DENND1A: variants seen among roughly 807,000 people sequenced by gnomAD.
DENND1A encodes DENN domain containing 1A, also known as DENN domain-containing protein 1A.
Under a neutral mutation model 113.7 loss-of-function variants are expected in DENND1A, and 51 were observed. The ratio of observed to expected loss-of-function variants is 0.45; its 90% CI spans 0.36 to 0.57. DENND1A has a LOEUF of 0.57. Ranked by LOEUF, DENND1A falls within the 20% of genes least tolerant of loss-of-function variation. The pLI, the probability that DENND1A is intolerant of heterozygous loss-of-function variation, is 0.00. For synonymous variants in DENND1A, 565 were observed against 570.8 expected (o/e 0.99, Z 0.14); for missense variants, 1,258 against 1,395.9 (o/e 0.90, Z 1.57).
intron 9 of DENND1A, 70 bp from the exon 10 acceptor site, chr9:123,630,546 A>G (rs942059870): frequency 1.9e-6 from 2 of 1,029,182 alleles, no homozygotes; most frequent in Non-Finnish European, 2.7e-6. Flanking sequence ...GATTTCAGCA[A>G]TACAATTCTA....
At chr9:123,562,196 G>A (rs978813679) in intron 12 of DENND1A, among the ~76,000 whole-genome samples, 17 of 152,142 alleles carry the variant, frequency 1.1e-4, no homozygotes, top group Admixed American at 2.0e-4. Flanking sequence ...TGTGCAGGCT[G>A]TCCTCCATCA....
At chr9:123,512,748 GA>G (rs1185175745) in intron 13 of DENND1A, among the ~76,000 whole-genome samples, 1 of 152,236 alleles carries the variant, frequency 6.6e-6, no homozygotes, top group East Asian at 1.9e-4. Context: ...ACAGTGGAAG[GA>G]GGGGCAGATT....
At chr9:123,758,025 C>CCT (rs927215826) in intron 4 of DENND1A, among the ~76,000 whole-genome samples, 23 of 151,628 alleles carry the variant, frequency 1.5e-4, no homozygotes, top group Non-Finnish European at 2.9e-4. Context: ...CTAGTGACCA[C>CCT]CTCAGAAATC....
At chr9:123,800,866 T>A (rs1294975861) in intron 2 of DENND1A, among the ~76,000 whole-genome samples, 1 of 152,126 alleles carries the variant, frequency 6.6e-6, no homozygotes, top group Non-Finnish European at 1.5e-5. Flanking sequence ...GCTAAACAAA[T>A]AGAGTAAATA....
chr9:123,510,006 C>G (rs1206005354), intron 13 of DENND1A, among the ~76,000 whole-genome samples: 3 of 152,244 alleles, frequency 2.0e-5, no homozygotes, highest in South Asian at 2.1e-4. Context: ...TCATTCCTCT[C>G]CTGGACGAGA....
At chr9:123,538,024 C>T (rs150718520) in intron 13 of DENND1A, among the ~76,000 whole-genome samples, 1 of 152,296 alleles carries the variant, frequency 6.6e-6, no homozygotes, top group East Asian at 1.9e-4. Context: ...TGCGTAATGG[C>T]TGCATGCTCT....
intron 12 of DENND1A, among the ~76,000 whole-genome samples, chr9:123,559,681 A>C (rs1256580763): frequency 6.6e-6 from 1 of 152,244 alleles, no homozygotes; most frequent in Non-Finnish European, 1.5e-5. Flanking sequence ...TTATTGAGAC[A>C]TATTTCACAT....
intron 13 of DENND1A, among the ~76,000 whole-genome samples, chr9:123,513,272 A>G (rs2053606539): frequency 6.6e-6 from 1 of 152,230 alleles, no homozygotes; most frequent in Non-Finnish European, 1.5e-5. Context: ...CAGGCTTCAG[A>G]GCCAGAGACT....
rs192071812 is a variant in DENND1A at position 123,445,633 on chromosome 9, G to A, written c.1356+5060C>T. Among the ~76,000 whole-genome samples the A allele has an allele frequency of 3.9e-3, 591 of 152,362 alleles. 1 individual carries two copies. The highest frequency in any genetic ancestry group is 7.0e-3 in the Non-Finnish European group (473 of 68,032). On this transcript the variant is annotated intron_variant, in intron 18 of 23. Transcript: ENST00000394215. ...TGCCTGTAATCCCAGCATGTTGGGAGGCCGAGGCGGGCAGATCACCTAAGG... is the reference window on the plus strand; with the variant it reads ...TGCCTGTAATCCCAGCATGTTGGGAAGCCGAGGCGGGCAGATCACCTAAGG...
At chr9:123,443,618 T>A (rs901880409) in intron 18 of DENND1A, among the ~76,000 whole-genome samples, 1 of 152,186 alleles carries the variant, frequency 6.6e-6, no homozygotes, top group Non-Finnish European at 1.5e-5. Flanking sequence ...CAGCTTCCTC[T>A]CAGGATGCCA....
At chr9:123,618,663 T>C (rs2060781271) in intron 10 of DENND1A, among the ~76,000 whole-genome samples, 1 of 152,088 alleles carries the variant, frequency 6.6e-6, no homozygotes, top group African/African-American at 2.4e-5. Context: ...AAAGGGTGGG[T>C]GGCTGAGCCA....
At chr9:123,522,702 C>T (rs972238349) in intron 13 of DENND1A, among the ~76,000 whole-genome samples, 2 of 152,154 alleles carry the variant, frequency 1.3e-5, no homozygotes, top group Non-Finnish European at 2.9e-5. Flanking sequence ...AGCTCAGCTA[C>T]CTTTTAATGA....
intron 2 of DENND1A, among the ~76,000 whole-genome samples, chr9:123,815,779 T>A (rs1010799599): frequency 6.6e-6 from 1 of 152,188 alleles, no homozygotes; most frequent in Non-Finnish European, 1.5e-5. Context: ...TATTCTCCTT[T>A]ATTGTATAAC....
intron 6 of DENND1A, among the ~76,000 whole-genome samples, chr9:123,673,721 C>G (rs767386492): frequency 6.6e-6 from 1 of 152,200 alleles, no homozygotes; most frequent in Non-Finnish European, 1.5e-5. Context: ...TATTCATCTT[C>G]CCATATTGAA....
chr9:123,640,733 C>G (rs2061986211), intron 9 of DENND1A, among the ~76,000 whole-genome samples: 1 of 152,210 alleles, frequency 6.6e-6, no homozygotes, highest in African/African-American at 2.4e-5. Context: ...GTCACCGGAT[C>G]TTTTTAACCA....
chr9:123,818,811 T>C (rs471956), intron 2 of DENND1A, among the ~76,000 whole-genome samples: 13,164 of 152,264 alleles, frequency 0.086, 981 homozygotes, highest in African/African-American at 0.2. Context: ...GGATTTCAAA[T>C]TTTTAGATTA....
In DENND1A at chr9:123,411,787, G is replaced by C; in HGVS notation, c.1531C>G (p.Arg511Gly). 2.0e-6 allele frequency: 2 copies of C among 986,000 alleles called. No homozygotes were observed. Among genetic ancestry groups the C allele is most frequent in the Non-Finnish European group, 2.4e-6 (2 of 830,074 alleles). The allele number at this position is 986,000 out of a possible 1,614,324, so 61.1% of individuals were successfully genotyped here. The change falls in exon 20 of 24, where the codon CGC (arginine) becomes GGC (glycine). Residue 511 changes from arginine (R) to glycine (G), a missense_variant. Coordinates refer to ENST00000394215, the MANE Select transcript of DENND1A (RefSeq NM_001352964.2). The part of the protein sequence containing the change: ...RPTRPPPKIQ[R>G]SRPVRPPRPH... ...CACCAGCTACTCACGGGCCTCGAGC[G>C]CTGTATCTTGGGAGGCGGTCGGGTG...
At chr9:123,526,887 C>T (rs1023319258) in intron 13 of DENND1A, among the ~76,000 whole-genome samples, 5 of 152,054 alleles carry the variant, frequency 3.3e-5, no homozygotes, top group African/African-American at 9.7e-5. Flanking sequence ...AACTCAAATC[C>T]GTATCTTCAT....
intron 19 of DENND1A, among the ~76,000 whole-genome samples, chr9:123,427,171 A>C (rs768555939): frequency 1.3e-5 from 2 of 152,236 alleles, no homozygotes; most frequent in Non-Finnish European, 2.9e-5. Flanking sequence ...TGATCACACA[A>C]GCACAAATCT....
Sources: allele counts gnomAD v4.1 joint callset (sites outside exome capture counted in the v4.1 genomes callset), GRCh38; gene constraint gnomAD v4.1.1; transcripts MANE v1.5; gene names NCBI Gene and HGNC (gene_info 2026-07-23, HGNC 2026-07-21).